CAST: variants seen among roughly 807,000 people sequenced by gnomAD.
CAST encodes calpastatin, also known as MIR583 host.
A neutral mutation model predicts 119.6 loss-of-function variants in CAST; 76 were observed. The ratio of observed to expected loss-of-function variants is 0.64; its 90% confidence interval spans 0.53 to 0.77. The LOEUF is 0.77. Ranked by LOEUF, CAST falls within the 30% of genes least tolerant of loss-of-function variation. The pLI is 0.00. For missense variants in CAST, 953 were observed against 946.5 expected, an observed-to-expected ratio of 1.01 and a Z score of -0.09; for synonymous variants, 319 against 331.6, an observed-to-expected ratio of 0.96 and a Z score of 0.41.
chr5:96,598,749 G>C (rs1468029922), intron 1 of CAST, among the ~76,000 whole-genome samples: 1 of 152,130 alleles, frequency 6.6e-6, no homozygotes, highest in Non-Finnish European at 1.5e-5. Flanking sequence ...ATCAGTAGAC[G>C]GAGTAAAGCA....
the CAST span, among the ~76,000 whole-genome samples, chr5:96,172,050 G>T: frequency 6.6e-6 from 1 of 152,230 alleles, no homozygotes; most frequent in Non-Finnish European, 1.5e-5. Context: ...CTGGGTGCAG[G>T]CAGGCTGAGT....
At chr5:96,655,963 T>C (rs1419734334) in intron 1 of CAST, among the ~76,000 whole-genome samples, 4 of 152,252 alleles carry the variant, frequency 2.6e-5, no homozygotes, top group Non-Finnish European at 4.4e-5. Flanking sequence ...CAGGCAAAGA[T>C]AGCTGGAGCA....
chr5:96,447,245 A>G, the CAST span, among the ~76,000 whole-genome samples: 1 of 152,232 alleles, frequency 6.6e-6, no homozygotes, highest in Non-Finnish European at 1.5e-5. Flanking sequence ...TGACAGCTGA[A>G]AGCATGCAGG....
chr5:96,059,591 GGGAGTGGTATGTGAA>G, the CAST span, among the ~76,000 whole-genome samples: 290 of 138,146 alleles, frequency 2.1e-3, 1 homozygote, highest in South Asian at 0.01. Context: ...TTCCTGTTAA[GGGAGTGGTATGTGAA>G]GGGAGTGGTA....
chr5:96,513,039 C>T, the CAST span, among the ~76,000 whole-genome samples: 1 of 152,144 alleles, frequency 6.6e-6, no homozygotes, highest in African/African-American at 2.4e-5. Context: ...AATCATGGGA[C>T]TTGGGGACAG....
intron 2 of CAST, among the ~76,000 whole-genome samples, chr5:96,692,113 C>G (rs1431285979): frequency 6.6e-6 from 1 of 152,146 alleles, no homozygotes; most frequent in African/African-American, 2.4e-5. Flanking sequence ...AGAGTTTCTA[C>G]TTACTGTGAG....
the CAST span, among the ~76,000 whole-genome samples, chr5:96,199,371 C>T: frequency 6.6e-6 from 1 of 152,146 alleles, no homozygotes; most frequent in Non-Finnish European, 1.5e-5. Flanking sequence ...ATATTACTTT[C>T]TGTCTTCTAG....
chr5:96,082,198 C>T, the CAST span, among the ~76,000 whole-genome samples: 1 of 152,196 alleles, frequency 6.6e-6, no homozygotes, highest in African/African-American at 2.4e-5. Flanking sequence ...AGGTGTGAGC[C>T]ACCACACCCA....
intron 1 of CAST, among the ~76,000 whole-genome samples, chr5:96,616,693 C>A (rs942123772): frequency 4.0e-5 from 6 of 150,548 alleles, no homozygotes; most frequent in Non-Finnish European, 7.4e-5. Flanking sequence ...GGTCCAGGGT[C>A]CAATGTGTGG....
the CAST span, among the ~76,000 whole-genome samples, chr5:96,076,594 A>T: frequency 6.6e-6 from 1 of 152,190 alleles, no homozygotes; most frequent in African/African-American, 2.4e-5. Context: ...GAGTTGAGTA[A>T]TTAGTAGCTA....
chr5:96,567,170 A>C (rs1164128232), intron 1 of CAST, among the ~76,000 whole-genome samples: 1 of 152,122 alleles, frequency 6.6e-6, no homozygotes, highest in Non-Finnish European at 1.5e-5. Context: ...TGCCAGACAA[A>C]TTTTCTTAGT....
intron 1 of CAST, among the ~76,000 whole-genome samples, chr5:96,559,683 C>T (rs1177244892): frequency 1.3e-5 from 2 of 152,120 alleles, no homozygotes; most frequent in Admixed American, 6.5e-5. Context: ...AACTACAAAC[C>T]ACTGCTCAAT....
chr5:96,489,142 G>C, the CAST span, among the ~76,000 whole-genome samples: 1 of 152,192 alleles, frequency 6.6e-6, no homozygotes, highest in Non-Finnish European at 1.5e-5. Flanking sequence ...CAGCTCTTTG[G>C]ACAGACTAAG....
chr5:96,243,416 T>G, the CAST span, among the ~76,000 whole-genome samples: 1 of 152,072 alleles, frequency 6.6e-6, no homozygotes, highest in South Asian at 2.1e-4. Flanking sequence ...TCCTAGACTT[T>G]GTGGAGTCAG....
At chr5:96,738,331 A>G (rs1019184167) in intron 11 of CAST, among the ~76,000 whole-genome samples, 4 of 152,176 alleles carry the variant, frequency 2.6e-5, no homozygotes, top group African/African-American at 9.7e-5. Flanking sequence ...CAAAAAAAAG[A>G]GTATCTAGTG....
the CAST span, among the ~76,000 whole-genome samples, chr5:96,509,955 G>T: frequency 6.6e-6 from 1 of 152,120 alleles, no homozygotes; most frequent in African/African-American, 2.4e-5. Context: ...TAGCAGGAAA[G>T]AAACAGCAAT....
chr5:96,150,967 C>T, the CAST span, among the ~76,000 whole-genome samples: 1 of 152,176 alleles, frequency 6.6e-6, no homozygotes, highest in South Asian at 2.1e-4. Flanking sequence ...AGCCACAATC[C>T]ACAACTACAA....
the CAST span, among the ~76,000 whole-genome samples, chr5:96,461,152 A>G: frequency 1.6e-4 from 24 of 152,150 alleles, no homozygotes; most frequent in Non-Finnish European, 3.2e-4. Context: ...ACTTAATGCA[A>G]TGCTTTCAAG....
At chr5:96,429,252 A>G in the CAST span, 2 of 1,601,928 alleles carry the variant, frequency 1.2e-6, no homozygotes, top group South Asian at 2.2e-5. Context: ...TATGAAAGGC[A>G]CTCCTTCGAG....
Sources: gnomAD v4.1 joint callset for allele counts (sites outside exome capture counted in the v4.1 genomes callset) on GRCh38, gnomAD v4.1.1 for gene constraint, MANE v1.5 for transcripts, NCBI Gene and HGNC (gene_info 2026-07-23, HGNC 2026-07-21) for gene names.